Variants in KIF24 observed in about 807,000 individuals in gnomAD.
KIF24 encodes the protein kinesin family member 24.
Under a neutral mutation model 118.9 loss-of-function variants are expected in KIF24, and 81 were observed. The observed-to-expected ratio is 0.68, with a 90% CI of 0.57 to 0.82. The LOEUF (loss-of-function observed/expected upper bound fraction) is 0.82. Ranked by LOEUF, KIF24 falls within the 40% of genes least tolerant of loss-of-function variation. KIF24 has a pLI of 0.00. For synonymous variants in KIF24, 599 were observed against 610.0 expected (o/e 0.98, Z 0.27); for missense variants, 1,560 against 1,661.6 (o/e 0.94, Z 1.06).
At chr9:34,271,607 A>G (rs1246643904) in intron 7 of KIF24, among the ~76,000 whole-genome samples, 1 of 152,196 alleles carries the variant, frequency 6.6e-6, no homozygotes, top group Non-Finnish European at 1.5e-5. Context: ...CTTAGGGTTG[A>G]CCAACAATAG....
At chr9:34,286,774 AC>A in intron 5 of KIF24, 70 bp from the exon 6 acceptor site, 1 of 967,204 alleles carries the variant, frequency 1.0e-6, no homozygotes, top group Non-Finnish European at 1.7e-6. Flanking sequence ...CTCCCCAGAA[AC>A]CATTCCACCA....
At chr9:34,269,600 T>C (rs889776681) in intron 7 of KIF24, among the ~76,000 whole-genome samples, 9 of 152,084 alleles carry the variant, frequency 5.9e-5, no homozygotes, top group African/African-American at 2.2e-4. Context: ...TTGGTATTTT[T>C]AGTAGAGTCA....
Position 34,256,008 on chromosome 9 carries a change from G to C in KIF24, c.3599C>G (p.Pro1200Arg). The change falls in exon 11 of 13, where the codon CCC (proline) becomes CGC (arginine). Residue 1200 changes from proline (P) to arginine (R), a missense_variant. Transcript: ENST00000402558. ...TGGGGTGAGTGTAGGTCCAGAATGG[G>C]GTACCCCCATATGTATGGTGGTGAA... is the stretch of plus-strand genomic sequence containing the variant. Reference protein sequence around the residue: ...KPFTTIHMGVPHSGPTLTPRT... With the variant: ...KPFTTIHMGVRHSGPTLTPRT... 1 of 1,613,858 alleles carries C rather than the reference G, an allele frequency of 6.2e-7. No homozygotes were observed. Among genetic ancestry groups the C allele is most frequent in the South Asian group, 1.1e-5 (1 of 91,076 alleles).
chr9:34,295,442 T>C (rs1434908434), intron 4 of KIF24, among the ~76,000 whole-genome samples: 2 of 152,014 alleles, frequency 1.3e-5, no homozygotes, highest in African/African-American at 4.8e-5. Context: ...TTTGGGAGAC[T>C]GAAGCAGGAG....
At position 34,311,322 on chromosome 9, in the gene KIF24, G is replaced by T. The variant is rs777170244; in HGVS notation, c.25C>A (p.Leu9Ile). The T allele has an allele frequency of 8.2e-6, 13 of 1,583,018 alleles. No individual in the cohort carries two copies. The highest frequency in any genetic ancestry group is 1.7e-4 in the Middle Eastern group (1 of 5,954). MASWLYEC[L>I]CEAELAQYYS... is the part of the protein sequence containing the mutation. ...TACTGTGCAAGTTCAGCTTCACAAAGACATTCATATAACCAGGATGCCATT... is the reference window on the plus strand; with the variant it reads ...TACTGTGCAAGTTCAGCTTCACAAATACATTCATATAACCAGGATGCCATT... The change falls in exon 2 of 13, where the codon CTT (leucine) becomes ATT (isoleucine). Residue 9 changes from leucine to isoleucine, a missense_variant. Physicochemically the swap from Leu to Ile is conservative, Grantham distance 5. Transcript: ENST00000402558.
In KIF24 at chr9:34,254,405, G is replaced by A; in HGVS notation, c.4082C>T (p.Ala1361Val). ...LYLTCHGPTA[A>V]PEGTVPS Reference sequence around the variant, plus strand: ...CTAAGACGGCACTGTTCCCTCAGGGGCTGCGGTGGGCCCGTGGCAGGTGAG... The same window carrying A: ...CTAAGACGGCACTGTTCCCTCAGGGACTGCGGTGGGCCCGTGGCAGGTGAG... Residue 1361 changes from alanine (A) to valine (V), a missense_variant, in exon 13 of 13, where the codon GCC becomes GTC. Around this residue, in one of 3 missense-constraint regions of KIF24, gnomAD observed 591 missense variants for 655.6 expected, o/e 0.90. Coordinates refer to ENST00000402558, the MANE Select transcript of KIF24 (RefSeq NM_194313.4). The A allele has an allele frequency of 1.2e-6, 2 of 1,613,648 alleles. No homozygotes were observed. The highest frequency in any genetic ancestry group is 2.2e-5 in the South Asian group (2 of 91,064).
Position 34,256,214 on chromosome 9 carries a change from G to C in KIF24, c.3393C>G (p.Ser1131=), listed in dbSNP as rs770841651. ...CTGGGTGCTGACGGATGGGTGATGG[G>C]GACAGAGCTGGAAGATCACCACCAG... The part of the protein sequence containing the change: ...NKPGGDLPAL[S]PSPIRQHPAD... The change falls in exon 11 of 13, where the codon TCC becomes TCG. Residue 1131 remains serine, a synonymous_variant. Coordinates refer to ENST00000402558, the MANE Select transcript of KIF24 (RefSeq NM_194313.4). 2 of 1,602,634 alleles carry C rather than the reference G, an allele frequency of 1.2e-6. No homozygotes were observed. Among genetic ancestry groups the C allele is most frequent in the Non-Finnish European group, 1.7e-6 (2 of 1,173,400 alleles).
At chr9:34,264,971 C>T (rs945454981) in intron 8 of KIF24, among the ~76,000 whole-genome samples, 3 of 151,818 alleles carry the variant, frequency 2.0e-5, no homozygotes, top group African/African-American at 4.8e-5. Flanking sequence ...GTGACAAAAG[C>T]GAAGTGCAAA....
rs748806243 is a variant in KIF24, at chr9:34,271,861, G to T, written c.1285C>A (p.His429Asn). ...TTGATCTGAATTTGGATGACGGCAT[G>T]GGAGCGGGAGGAGTCTGCATTAACT... is the stretch of plus-strand genomic sequence containing the variant. ...TGVNADSSRS[H>N]AVIQIQIKDS... Residue 429 changes from histidine (H) to asparagine (N), a missense_variant, in exon 7 of 13, where the codon CAT (histidine) becomes AAT (asparagine). By Grantham distance (68) the His-to-Asn change is moderately conservative. Around this residue, in one of 3 missense-constraint regions of KIF24, gnomAD observed 964 missense variants for 988.0 expected, o/e 0.98. Transcript: ENST00000402558. 3.7e-6 allele frequency: 6 copies of T among 1,611,502 alleles called. No homozygotes were observed. In the South Asian group the frequency reaches 5.5e-5, roughly 15 times the overall value.
At chr9:34,327,728 T>TG (rs1231885296) in intron 1 of KIF24, among the ~76,000 whole-genome samples, 2 of 151,516 alleles carry the variant, frequency 1.3e-5, no homozygotes, top group Admixed American at 1.3e-4. Context: ...ATTTTCCAGA[T>TG]GGAAAAAATG....
intron 3 of KIF24, among the ~76,000 whole-genome samples, chr9:34,300,112 T>A (rs955996998): frequency 6.6e-5 from 10 of 152,282 alleles, no homozygotes; most frequent in Admixed American, 3.3e-4. Context: ...TGGAAACTTG[T>A]TAGATTGTCT....
intron 1 of KIF24, among the ~76,000 whole-genome samples, 129 bp downstream of exon 1, chr9:34,328,977 T>A (rs763497913): frequency 2.8e-4 from 42 of 152,184 alleles, no homozygotes; most frequent in Non-Finnish European, 3.4e-4. Context: ...AGGGGCCAAC[T>A]CTCGGTTCCC....
chr9:34,327,270 T>C (rs1321624275), intron 1 of KIF24, among the ~76,000 whole-genome samples: 1 of 152,052 alleles, frequency 6.6e-6, no homozygotes, highest in South Asian at 2.1e-4. Context: ...ATAGGGAAAC[T>C]GGATTAATAT....
chr9:34,275,187 C>T (rs1486658858), intron 6 of KIF24, among the ~76,000 whole-genome samples: 1 of 151,774 alleles, frequency 6.6e-6, no homozygotes, highest in East Asian at 1.9e-4. Flanking sequence ...TTAGTGCAGG[C>T]CTTTGAGACC....
intron 8 of KIF24, 123 bp from the exon 9 acceptor site, chr9:34,263,295 G>A: frequency 5.4e-6 from 4 of 734,254 alleles, no homozygotes; most frequent in South Asian, 1.5e-5. Flanking sequence ...TCCTCCAAAA[G>A]GAAGTCAAAA....
At chr9:34,295,218 C>CAGACAGAT (rs1836421859) in intron 4 of KIF24, among the ~76,000 whole-genome samples, 1 of 151,742 alleles carries the variant, frequency 6.6e-6, no homozygotes, top group Non-Finnish European at 1.5e-5. Context: ...GACAGACAGA[C>CAGACAGAT]AGACAGACAG....
At chr9:34,323,352 G>A (rs972463452) in intron 1 of KIF24, among the ~76,000 whole-genome samples, 2 of 152,108 alleles carry the variant, frequency 1.3e-5, no homozygotes, top group South Asian at 2.1e-4. Context: ...AGTTTACTAC[G>A]TTTTTACATT....
At chr9:34,313,271 C>A (rs904392415) in intron 1 of KIF24, among the ~76,000 whole-genome samples, 1 of 152,104 alleles carries the variant, frequency 6.6e-6, no homozygotes, top group African/African-American at 2.4e-5. Flanking sequence ...TGACTGCAAC[C>A]ACATGAGTGA....
intron 8 of KIF24, 22 bp downstream of exon 8, chr9:34,269,234 AT>A: frequency 1.4e-6 from 2 of 1,404,066 alleles, no homozygotes; most frequent in Non-Finnish European, 2.0e-6. Context: ...GGATTTTTAG[AT>A]TAAAGATTTT....
Sources: allele counts gnomAD v4.1 joint callset (sites outside exome capture counted in the v4.1 genomes callset), GRCh38; gene constraint gnomAD v4.1.1; regional missense constraint gnomAD v4.1.1; transcripts MANE v1.5; gene names NCBI Gene and HGNC (gene_info 2026-07-23, HGNC 2026-07-21).